WARS1: variants seen among roughly 807,000 people sequenced by gnomAD.
WARS1 encodes tryptophanyl-tRNA synthetase 1, also known as tryptophan--tRNA ligase, cytoplasmic.
WARS1 carries 17 observed loss-of-function variants against 47.8 expected under a neutral mutation model. The observed-to-expected ratio is 0.36, with a 90% CI of 0.24 to 0.53. The LOEUF is 0.53. Ranked by LOEUF, WARS1 falls within the 20% of genes least tolerant of loss-of-function variation. WARS1 has a pLI of 0.91. For synonymous variants in WARS1, 208 were observed against 228.1 expected (o/e 0.91, Z 0.79); for missense variants, 434 against 608.0 (o/e 0.71, Z 3.01).
chr14:100,358,474 C>A (rs1895469305), intron 4 of WARS1, among the ~76,000 whole-genome samples: 1 of 152,014 alleles, frequency 6.6e-6, no homozygotes, highest in Admixed American at 6.6e-5. Context: ...CAATTGGATA[C>A]CCACAAGCAA....
chr14:100,339,663 G>A (rs952174525), intron 9 of WARS1, among the ~76,000 whole-genome samples: 4 of 151,784 alleles, frequency 2.6e-5, no homozygotes, highest in Admixed American at 2.6e-4. Flanking sequence ...TAAACAGGAG[G>A]AAGAAAAAAA....
At chr14:100,337,007 T>A in intron 10 of WARS1, 55 bp downstream of exon 10, 1 of 1,592,380 alleles carries the variant, frequency 6.3e-7, no homozygotes, top group Non-Finnish European at 8.6e-7. Context: ...CCAGGCCCCA[T>A]GGGCAGGAGT....
In WARS1 at chr14:100,369,218, C is replaced by A. The variant is rs780278313; in HGVS notation, c.-33G>T. The A allele has an allele frequency of 1.0e-6, 1 of 997,338 alleles. No individual in the cohort carries two copies. The highest frequency in any genetic ancestry group is 2.1e-5 in the South Asian group (1 of 47,640). The allele number at this position is 997,338 out of a possible 1,614,324, so 61.8% of individuals were successfully genotyped here. On this transcript the variant is annotated 5_prime_UTR_variant, in exon 2 of 11. Coordinates refer to ENST00000392882, the MANE Select transcript of WARS1 (RefSeq NM_004184.4). ...ATCTCTCAGGAACTACGTTCACAGC[C>A]GGCCTGAGGTCAGAGGATTTGTTCA... is the stretch of plus-strand genomic sequence containing the variant.
chr14:100,366,646 TGA>T, intron 2 of WARS1: 1 of 766,520 alleles, frequency 1.3e-6, no homozygotes, highest in Non-Finnish European at 2.4e-6. Flanking sequence ...GACATGGACA[TGA>T]GCATGGACAT....
In WARS1 at chr14:100,366,547, A is replaced by C. The variant is rs1356890537; in HGVS notation, c.99+2540T>G. The C allele has an allele frequency of 3.1e-5, 18 of 577,034 alleles. No homozygotes were observed. In the South Asian group the frequency reaches 3.5e-4, roughly 11 times the overall value. The allele number at this position is 577,034 out of a possible 1,614,324, so 35.7% of individuals were successfully genotyped here. ...AAGAAACTGAGGTTATAAAGGATGTAGAGGACATATGGAAAACTACCATTA... is the reference window on the plus strand; with the variant it reads ...AAGAAACTGAGGTTATAAAGGATGTCGAGGACATATGGAAAACTACCATTA... On this transcript the variant is annotated intron_variant, in intron 2 of 10. Transcript: ENST00000392882.
At chr14:100,342,042 T>C (rs1894195129) in intron 9 of WARS1, 3 of 314,768 alleles carry the variant, frequency 9.5e-6, no homozygotes, top group South Asian at 8.2e-5. Flanking sequence ...ATGAGAAATA[T>C]ACACAAATCT....
chr14:100,338,730 A>G (rs1893921153), intron 9 of WARS1, among the ~76,000 whole-genome samples: 1 of 151,596 alleles, frequency 6.6e-6, no homozygotes, highest in African/African-American at 2.4e-5. Flanking sequence ...CACTGTGCCC[A>G]GTCTTAACTT....
rs1353945451 is a variant in WARS1 at position 100,343,326 on chromosome 14, G to A, written c.888C>T (p.Ile296=). The change falls in exon 8 of 11, where the codon ATC becomes ATT. Residue 296 remains isoleucine (I), a synonymous_variant. Transcript: ENST00000392882. ...ACTGGATATCCGTCCTGTCTCGGAAGATCTGTGGGAATGAGTTGCTGAAGG... is the reference window on the plus strand; with the variant it reads ...ACTGGATATCCGTCCTGTCTCGGAAAATCTGTGGGAATGAGTTGCTGAAGG... The part of the protein sequence containing the change: ...APSFSNSFPQ[I]FRDRTDIQCL... The A allele has an allele frequency of 1.9e-6, 3 of 1,613,460 alleles. No homozygotes were observed. The highest frequency in any genetic ancestry group is 2.5e-6 in the Non-Finnish European group (3 of 1,179,528).
chr14:100,346,713 G>T (rs1304154962), intron 7 of WARS1, 33 bp downstream of exon 7: 3 of 1,537,842 alleles, frequency 2.0e-6, no homozygotes, highest in South Asian at 2.2e-5. Flanking sequence ...GAAGGGTGCA[G>T]GGAGTGGTCC....
At chr14:100,338,645 G>A (rs997087176) in intron 9 of WARS1, among the ~76,000 whole-genome samples, 7 of 146,994 alleles carry the variant, frequency 4.8e-5, no homozygotes, top group African/African-American at 1.5e-4. Context: ...TGTTGGCCAG[G>A]CTGGTCTTGA....
intron 4 of WARS1, among the ~76,000 whole-genome samples, chr14:100,355,657 A>G (rs12892068): frequency 0.35 from 52,908 of 151,818 alleles, 11,632 homozygotes; most frequent in South Asian, 0.66. Context: ...CCTTTTCCAG[A>G]GGTCTGGATA....
intron 1 of WARS1, chr14:100,370,513 A>C (rs887197085): frequency 6.6e-6 from 1 of 152,230 alleles, no homozygotes. Flanking sequence ...GCTTCATTTT[A>C]ACTTGCTGTA....
chr14:100,350,252 T>C (rs1894880301), intron 6 of WARS1, among the ~76,000 whole-genome samples: 1 of 151,296 alleles, frequency 6.6e-6, no homozygotes, highest in African/African-American at 2.4e-5. Flanking sequence ...ATTAGCTGGG[T>C]GTGGTGGCGG....
chr14:100,361,570 T>C lies in WARS1; in HGVS notation c.313+138A>G, dbSNP rs1895664039. 3 of 769,376 alleles carry C rather than the reference T, an allele frequency of 3.9e-6. No homozygotes were observed. In the Admixed American group the frequency reaches 8.8e-5, roughly 23 times the overall value. 47.7% of individuals were successfully genotyped at this position (769,376 alleles called of 1,614,324 possible). On this transcript the variant is annotated intron_variant, in intron 3 of 10. Coordinates refer to ENST00000392882, the MANE Select transcript of WARS1 (RefSeq NM_004184.4). ...AATATAATGCACAACCAAAAGATTT[T>C]AGTATCCATTTTTTCTTGGCATTGA... is the stretch of plus-strand genomic sequence containing the variant.
chr14:100,345,185 T>C (rs1894510118), intron 7 of WARS1, among the ~76,000 whole-genome samples: 2 of 150,572 alleles, frequency 1.3e-5, no homozygotes, highest in South Asian at 2.1e-4. Flanking sequence ...CAACAGCTCA[T>C]TGAGAACGGG....
At chr14:100,336,898 G>T in intron 10 of WARS1, 164 bp downstream of exon 10, 2 of 913,916 alleles carry the variant, frequency 2.2e-6, no homozygotes, top group Non-Finnish European at 3.2e-6. Flanking sequence ...AGGCTTCTGA[G>T]CCCAGGCCTA....
At chr14:100,339,384 G>A (rs922078496) in intron 9 of WARS1, among the ~76,000 whole-genome samples, 1 of 152,010 alleles carries the variant, frequency 6.6e-6, no homozygotes. Context: ...GAGGTCAGGA[G>A]ATCAAGACCA....
chr14:100,342,165 T>A (rs200248440), intron 9 of WARS1: 29 of 549,680 alleles, frequency 5.3e-5, no homozygotes, highest in East Asian at 2.4e-4. Flanking sequence ...AGAAAAAAAA[T>A]TCAAAATTTT....
rs181537388 is a variant in WARS1, at chr14:100,369,488, T to C, written c.-73-230A>G. Among the ~76,000 whole-genome samples the C allele has an allele frequency of 1.7e-3, 264 of 152,086 alleles. 1 individual carries two copies. The highest frequency in any genetic ancestry group is 3.3e-3 in the Non-Finnish European group (227 of 67,972). ...GACTAAAGGAGTGGCTAGGATTTACTGACTTAAGGTGTGAATCTACTTGAC... is the reference window on the plus strand; with the variant it reads ...GACTAAAGGAGTGGCTAGGATTTACCGACTTAAGGTGTGAATCTACTTGAC... On this transcript the variant is annotated intron_variant, in intron 1 of 10. Coordinates refer to ENST00000392882, the MANE Select transcript of WARS1 (RefSeq NM_004184.4).
Sources: allele counts gnomAD v4.1 joint callset (sites outside exome capture counted in the v4.1 genomes callset), GRCh38; gene constraint gnomAD v4.1.1; transcripts MANE v1.5; gene names NCBI Gene and HGNC (gene_info 2026-07-23, HGNC 2026-07-21).